Variants in FAM193A observed in about 807,000 individuals in gnomAD.
The protein encoded by FAM193A is family with sequence similarity 193 member A.
In FAM193A, 22 loss-of-function variants were observed where a neutral mutation model predicts 126.5. The ratio of observed to expected loss-of-function variants is 0.17; its 90% CI spans 0.12 to 0.25. FAM193A has a LOEUF of 0.25. Among genes scored for constraint, FAM193A ranks in the 10% least tolerant of loss-of-function variants. The pLI is 1.00. For missense variants in FAM193A, 1,675 were observed against 1,672.8 expected (o/e 1.00, Z -0.02); for synonymous variants, 761 against 646.8 (o/e 1.18, Z -2.68).
At chr4:2,634,596 C>T (rs1743912150) in intron 5 of FAM193A, among the ~76,000 whole-genome samples, 1 of 152,080 alleles carries the variant, frequency 6.6e-6, no homozygotes, top group Admixed American at 6.5e-5. Context: ...GATTAATACT[C>T]TAAAGAATGA....
rs141633773 is a variant in FAM193A at position 2,659,950 on chromosome 4, G to T, written c.1641G>T (p.Pro547=). 3 of 1,614,066 alleles carry T rather than the reference G, an allele frequency of 1.9e-6. No homozygotes were observed. The highest frequency in any genetic ancestry group is 2.2e-5 in the South Asian group (2 of 91,082). Residue 547 remains proline (P), a synonymous_variant, in exon 10 of 21, where the codon CCG becomes CCT. Transcript: ENST00000637812. ...CTGACTATCTTGCTGAGAGGAGCCC[G>T]CCCAGTGTGTCATCTGCAAGCTCGG... is the stretch of plus-strand genomic sequence containing the variant. ...PAPDYLAERS[P]PSVSSASSGS... is the part of the protein sequence containing the mutation.
chr4:2,595,875 G>A (rs188926134), intron 1 of FAM193A, among the ~76,000 whole-genome samples: 12 of 152,254 alleles, frequency 7.9e-5, no homozygotes, highest in Non-Finnish European at 7.4e-5. Context: ...TTTCTAACTC[G>A]TACTAAGATA....
intron 1 of FAM193A, among the ~76,000 whole-genome samples, chr4:2,592,616 T>C (rs886326667): frequency 1.3e-5 from 2 of 152,162 alleles, no homozygotes; most frequent in African/African-American, 4.8e-5. Context: ...GCTTCCTGCC[T>C]GGAGAGAGTC....
intron 4 of FAM193A, 56 bp downstream of exon 4, chr4:2,626,633 C>T: frequency 1.5e-6 from 1 of 660,030 alleles, no homozygotes; most frequent in Non-Finnish European, 2.8e-6. Flanking sequence ...CTCCCTGCTG[C>T]ACTTGGAGCC....
chr4:2,609,013 C>T lies in FAM193A; in HGVS notation c.501+12684C>T, dbSNP rs185072676. On this transcript the variant is annotated intron_variant, in intron 2 of 20. Transcript: ENST00000637812. ...TCACGCCATTCTCCTGCCTCAGCCTCCCGAGTAGCTGGGACTACAGGCATC... is the reference window on the plus strand; with the variant it reads ...TCACGCCATTCTCCTGCCTCAGCCTTCCGAGTAGCTGGGACTACAGGCATC... Among the ~76,000 whole-genome samples the T allele has an allele frequency of 2.8e-3, 425 of 151,806 alleles. 1 individual carries two copies. The highest frequency in any genetic ancestry group is 7.7e-3 in the African/African-American group (319 of 41,390).
intron 1 of FAM193A, among the ~76,000 whole-genome samples, chr4:2,576,962 A>G (rs754793307): frequency 5.9e-5 from 9 of 152,234 alleles, no homozygotes; most frequent in Non-Finnish European, 1.3e-4. Flanking sequence ...TAGAGCCAGT[A>G]ATTGCTGTAA....
At chr4:2,639,708 G>A in intron 5 of FAM193A, 27 bp from the exon 6 acceptor site, 1 of 1,598,674 alleles carries the variant, frequency 6.3e-7, no homozygotes, top group Non-Finnish European at 8.5e-7. Context: ...TACATCTTCT[G>A]TTTATCTTTT....
At chr4:2,614,379 A>G (rs1352785264) in intron 2 of FAM193A, among the ~76,000 whole-genome samples, 1 of 152,232 alleles carries the variant, frequency 6.6e-6, no homozygotes, top group Non-Finnish European at 1.5e-5. Context: ...AGATGATAAC[A>G]GAGTTTTCCT....
chr4:2,695,141 A>C lies in FAM193A; in HGVS notation c.3276+12A>C. The stretch of plus-strand genomic sequence containing the variant: ...TTGGGCACGGCGGGGTGAGTGCATG[A>C]GGTCAGCGCATCATGATGTGGGAAG... On this transcript the variant is annotated intron_variant, in intron 17 of 20. Transcript: ENST00000637812. The C allele has an allele frequency of 6.4e-7, 1 of 1,570,652 alleles. No individual in the cohort carries two copies. Among genetic ancestry groups the C allele is most frequent in the Non-Finnish European group, 8.6e-7 (1 of 1,157,872 alleles).
chr4:2,723,292 C>T (rs1720364097), intron 20 of FAM193A, among the ~76,000 whole-genome samples: 1 of 143,020 alleles, frequency 7.0e-6, no homozygotes, highest in African/African-American at 2.6e-5. Flanking sequence ...AAACAGTATC[C>T]TTTAGGCCAG....
chr4:2,574,631 C>G (rs1384452493), intron 1 of FAM193A, among the ~76,000 whole-genome samples: 1 of 152,120 alleles, frequency 6.6e-6, no homozygotes, highest in Non-Finnish European at 1.5e-5. Flanking sequence ...TGCTCAGAAG[C>G]AAAACCGTGC....
intron 19 of FAM193A, among the ~76,000 whole-genome samples, chr4:2,710,161 G>GTTTTTTTTTTTTTTCTTTTTTTTTTTTT (rs1718757701): frequency 1.1e-5 from 1 of 91,820 alleles, no homozygotes; most frequent in African/African-American, 4.0e-5. Flanking sequence ...TTCTTCTTTT[G>GTTTTTTTTTTTTTTCTTTTTTTTTTTTT]TTTTTTTTTT....
chr4:2,586,104 G>A (rs186132004), intron 1 of FAM193A, among the ~76,000 whole-genome samples: 117 of 151,906 alleles, frequency 7.7e-4, no homozygotes, highest in African/African-American at 2.2e-3. Context: ...TTAGCCAGGC[G>A]TGGTGGTGCA....
chr4:2,644,874 A>G (rs565022913), intron 6 of FAM193A, among the ~76,000 whole-genome samples: 1 of 152,372 alleles, frequency 6.6e-6, no homozygotes, highest in East Asian at 1.9e-4. Flanking sequence ...ATGAAAATAT[A>G]GAAAATCGTA....
chr4:2,562,223 G>A (rs1293382330), intron 1 of FAM193A, among the ~76,000 whole-genome samples: 1 of 152,166 alleles, frequency 6.6e-6, no homozygotes, highest in Non-Finnish European at 1.5e-5. Context: ...TGAGGCAGGA[G>A]GATTGCTTGA....
At chr4:2,560,171 G>A (rs1738523788) in intron 1 of FAM193A, among the ~76,000 whole-genome samples, 1 of 152,036 alleles carries the variant, frequency 6.6e-6, no homozygotes, top group African/African-American at 2.4e-5. Context: ...TCAAACTCCC[G>A]ACCTCAGGTG....
At position 2,716,146 on chromosome 4, in the gene FAM193A, C is replaced by T. The variant is rs200328418; in HGVS notation, c.4454+42C>T. 5.1e-5 allele frequency: 65 copies of T among 1,270,458 alleles called. No homozygotes were observed. In the African/African-American group the frequency reaches 7.7e-4, roughly 15 times the overall value. 78.7% of individuals were successfully genotyped at this position (1,270,458 alleles called of 1,614,324 possible). Reference sequence around the variant, plus strand: ...TGTCTGAAACCGTGGTGACTGTGTGCTTGCCATACATGTTTGGTTTTCTGT... The same window carrying T: ...TGTCTGAAACCGTGGTGACTGTGTGTTTGCCATACATGTTTGGTTTTCTGT... On this transcript the variant is annotated intron_variant, in intron 20 of 20. Transcript: ENST00000637812.
At chr4:2,610,280 A>G (rs1248171206) in intron 2 of FAM193A, among the ~76,000 whole-genome samples, 3 of 152,098 alleles carry the variant, frequency 2.0e-5, no homozygotes, top group Admixed American at 2.0e-4. Context: ...CATTATCTTG[A>G]ATTGTTACCC....
chr4:2,718,667 C>T (rs1033076741), intron 20 of FAM193A, among the ~76,000 whole-genome samples: 4 of 152,042 alleles, frequency 2.6e-5, no homozygotes, highest in African/African-American at 9.7e-5. Context: ...GTGGAGGTTG[C>T]AGTGAGCCAA....
Sources: gnomAD v4.1 joint callset for allele counts (sites outside exome capture counted in the v4.1 genomes callset) on GRCh38, gnomAD v4.1.1 for gene constraint, MANE v1.5 for transcripts, NCBI Gene and HGNC (gene_info 2026-07-23, HGNC 2026-07-21) for gene names.